Variants in TRIM33 observed in about 807,000 individuals in gnomAD.
TRIM33 encodes the protein tripartite motif containing 33.
Under a neutral mutation model 125.4 loss-of-function variants are expected in TRIM33, and 20 were observed. That is an observed-to-expected ratio of 0.16 (90% CI 0.11 to 0.23). The LOEUF is 0.23. TRIM33 is among the 10% of genes least tolerant of loss of function. TRIM33 has a pLI of 1.00. For synonymous variants in TRIM33, 564 were observed against 513.9 expected (o/e 1.10, Z -1.32); for missense variants, 920 against 1,411.4 (o/e 0.65, Z 5.58).
intron 1 of TRIM33, among the ~76,000 whole-genome samples, chr1:114,470,393 A>T (rs148329192): frequency 6.6e-6 from 1 of 152,104 alleles, no homozygotes; most frequent in Admixed American, 6.6e-5. Context: ...GTGAGTTCTG[A>T]TCTTTCATGT....
intron 1 of TRIM33, among the ~76,000 whole-genome samples, chr1:114,496,820 T>G (rs1652394583): frequency 6.6e-6 from 1 of 152,228 alleles, no homozygotes; most frequent in Non-Finnish European, 1.5e-5. Flanking sequence ...TTTAAGAAAT[T>G]CTGCTGTGAT....
chr1:114,461,241 TA>T (rs1649970570), intron 4 of TRIM33, among the ~76,000 whole-genome samples: 1 of 146,808 alleles, frequency 6.8e-6, no homozygotes. Context: ...TATATACATA[TA>T]TTTATATTTT....
chr1:114,410,413 A>T, intron 11 of TRIM33, 97 bp from the exon 12 acceptor site: 4 of 1,239,192 alleles, frequency 3.2e-6, no homozygotes, highest in Non-Finnish European at 2.2e-6. Context: ...TAATAAACTA[A>T]CAGATTATCC....
At chr1:114,464,843 G>A (rs963138213) in intron 1 of TRIM33, among the ~76,000 whole-genome samples, 28 of 152,138 alleles carry the variant, frequency 1.8e-4, no homozygotes, top group African/African-American at 4.3e-4. Flanking sequence ...ATGGACGCAG[G>A]GAGTAGAGTG....
At chr1:114,473,755 CAAT>C (rs1427802172) in intron 1 of TRIM33, among the ~76,000 whole-genome samples, 4 of 152,000 alleles carry the variant, frequency 2.6e-5, no homozygotes, top group South Asian at 2.1e-4. Flanking sequence ...CAATGAACAA[CAAT>C]AAATACATGA....
intron 10 of TRIM33, among the ~76,000 whole-genome samples, chr1:114,422,228 C>T (rs1162254830): frequency 1.3e-5 from 2 of 152,122 alleles, no homozygotes; most frequent in Admixed American, 6.6e-5. Flanking sequence ...GAATTCTACA[C>T]ATATAAATAA....
chr1:114,405,292 T>C, intron 15 of TRIM33, 118 bp downstream of exon 15: 1 of 728,240 alleles, frequency 1.4e-6, no homozygotes, highest in African/African-American at 1.8e-5. Context: ...AATAACAGGC[T>C]CCCTGTTTTA....
At chr1:114,452,332 C>T (rs375504054) in intron 4 of TRIM33, among the ~76,000 whole-genome samples, 18 of 151,986 alleles carry the variant, frequency 1.2e-4, no homozygotes, top group African/African-American at 4.1e-4. Context: ...TGGTGGTGTG[C>T]GCCTGTAGTC....
At chr1:114,499,350 G>A (rs931868828) in intron 1 of TRIM33, among the ~76,000 whole-genome samples, 18 of 151,792 alleles carry the variant, frequency 1.2e-4, no homozygotes, top group African/African-American at 4.1e-4. Flanking sequence ...TGACTTGAAC[G>A]ATTACAACCT....
chr1:114,435,154 A>C (rs1372734799), intron 4 of TRIM33, among the ~76,000 whole-genome samples: 1 of 152,236 alleles, frequency 6.6e-6, no homozygotes, highest in Admixed American at 6.5e-5. Flanking sequence ...ATTCTAGGAA[A>C]ATCATCAAAC....
chr1:114,463,632 T>C (rs546311605), intron 2 of TRIM33, 76 bp from the exon 3 acceptor site: 13 of 867,078 alleles, frequency 1.5e-5, no homozygotes, highest in Non-Finnish European at 2.2e-5. Context: ...AACTTGTTCT[T>C]CAATATACTA....
chr1:114,489,771 AC>A (rs1381574853), intron 1 of TRIM33, among the ~76,000 whole-genome samples: 2 of 152,022 alleles, frequency 1.3e-5, no homozygotes, highest in East Asian at 1.9e-4. Flanking sequence ...AATAAAAAAA[AC>A]ATGTGCTGCC....
chr1:114,465,371 T>C (rs915348483), intron 1 of TRIM33, among the ~76,000 whole-genome samples: 3 of 152,254 alleles, frequency 2.0e-5, no homozygotes, highest in African/African-American at 7.2e-5. Context: ...GATTAGTATG[T>C]AATTTTTATA....
At chr1:114,491,579 A>C (rs1308683298) in intron 1 of TRIM33, among the ~76,000 whole-genome samples, 2 of 152,160 alleles carry the variant, frequency 1.3e-5, no homozygotes, top group African/African-American at 4.8e-5. Context: ...AAGTAGGTAG[A>C]TAAAGCTTGA....
At chr1:114,452,368 G>A (rs1324810187) in intron 4 of TRIM33, among the ~76,000 whole-genome samples, 1 of 152,076 alleles carries the variant, frequency 6.6e-6, no homozygotes, top group Non-Finnish European at 1.5e-5. Context: ...GCTGAGGCAG[G>A]AGAATCGCTT....
chr1:114,414,979 G>A lies in TRIM33; in HGVS notation c.2062-4663C>T, dbSNP rs2101123497. 2.1e-5 allele frequency among the ~76,000 whole-genome samples: 3 copies of A among 145,454 alleles called. No individual in the cohort carries two copies. In the East Asian group the frequency reaches 5.8e-4, roughly 28 times the overall value. The stretch of plus-strand genomic sequence containing the variant: ...CTTAATCTTACCAACATATCCATGA[G>A]GTAGATTCTATTTTTTTTTTTTTTT... On this transcript the variant is annotated intron_variant, in intron 11 of 19. Coordinates refer to ENST00000358465, the MANE Select transcript of TRIM33 (RefSeq NM_015906.4).
intron 4 of TRIM33, among the ~76,000 whole-genome samples, chr1:114,436,679 G>A (rs1648330334): frequency 6.6e-6 from 1 of 152,006 alleles, no homozygotes; most frequent in Non-Finnish European, 1.5e-5. Flanking sequence ...TGGCCGGGCT[G>A]ATCTCAAACT....
intron 11 of TRIM33, chr1:114,420,572 A>T: frequency 2.1e-6 from 1 of 479,112 alleles, no homozygotes; most frequent in South Asian, 1.7e-5. Flanking sequence ...TCAATTCCCC[A>T]GAACTTTAAA....
At chr1:114,496,492 T>C (rs1652373130) in intron 1 of TRIM33, among the ~76,000 whole-genome samples, 1 of 152,152 alleles carries the variant, frequency 6.6e-6, no homozygotes. Flanking sequence ...ACATGTCCCA[T>C]CAAATGAAAA....
Sources: gnomAD v4.1 joint callset for allele counts (sites outside exome capture counted in the v4.1 genomes callset) on GRCh38, gnomAD v4.1.1 for gene constraint, MANE v1.5 for transcripts, NCBI Gene and HGNC (gene_info 2026-07-23, HGNC 2026-07-21) for gene names.